Variants in MCTP1 observed in about 807,000 individuals in gnomAD.
MCTP1 encodes the protein multiple C2 and transmembrane domain-containing protein 1.
In MCTP1, 69 loss-of-function variants were observed where a neutral mutation model predicts 120.6. That is an observed-to-expected ratio of 0.57 (90% CI 0.47 to 0.70). The LOEUF (loss-of-function observed/expected upper bound fraction) is 0.70. MCTP1 is among the 30% of genes least tolerant of loss of function. The pLI, the probability that MCTP1 is intolerant of heterozygous loss-of-function variation, is 0.00. For synonymous variants in MCTP1, 529 were observed against 493.1 expected (o/e 1.07, Z -0.96); for missense variants, 1,203 against 1,248.8 (o/e 0.96, Z 0.55).
At chr5:95,129,317 C>A (rs895240113) in intron 1 of MCTP1, among the ~76,000 whole-genome samples, 2 of 152,198 alleles carry the variant, frequency 1.3e-5, no homozygotes, top group African/African-American at 4.8e-5. Flanking sequence ...AAATGTAACT[C>A]AGAAAACTAT....
At chr5:95,089,781 G>A (rs1473024979) in intron 1 of MCTP1, among the ~76,000 whole-genome samples, 1 of 152,162 alleles carries the variant, frequency 6.6e-6, no homozygotes, top group African/African-American at 2.4e-5. Context: ...ACAGCATGTT[G>A]CAGAACTAGC....
chr5:94,750,966 C>T (rs541062775), intron 19 of MCTP1, among the ~76,000 whole-genome samples: 180 of 152,250 alleles, frequency 1.2e-3, no homozygotes, highest in Non-Finnish European at 1.9e-3. Context: ...CATCCAGAAC[C>T]GAAACCTGGG....
intron 10 of MCTP1, among the ~76,000 whole-genome samples, chr5:94,901,228 C>A (rs543929668): frequency 9.3e-4 from 142 of 152,244 alleles, no homozygotes; most frequent in African/African-American, 3.3e-3. Flanking sequence ...GGCAAGAGGG[C>A]ATGTTCAGGG....
chr5:94,776,398 G>C (rs958234419), intron 19 of MCTP1, among the ~76,000 whole-genome samples: 2 of 152,108 alleles, frequency 1.3e-5, no homozygotes, highest in African/African-American at 4.8e-5. Flanking sequence ...GGTCTTGGCA[G>C]AATGGAAAAC....
At chr5:94,869,890 A>G (rs1375998138) in intron 16 of MCTP1, among the ~76,000 whole-genome samples, 1 of 152,108 alleles carries the variant, frequency 6.6e-6, no homozygotes, top group East Asian at 1.9e-4. Context: ...AAATAATAAA[A>G]GTTTACTTCT....
At chr5:94,780,283 A>G (rs1776289295) in intron 18 of MCTP1, among the ~76,000 whole-genome samples, 1 of 151,524 alleles carries the variant, frequency 6.6e-6, no homozygotes, top group South Asian at 2.1e-4. Flanking sequence ...TTTTTTTGAT[A>G]CAAACAGGAA....
intron 2 of MCTP1, among the ~76,000 whole-genome samples, chr5:94,954,020 A>ATG (rs1172955017): frequency 1.3e-5 from 1 of 79,058 alleles, no homozygotes; most frequent in Non-Finnish European, 2.4e-5. Context: ...ACAAATATAT[A>ATG]TGCATATATA....
chr5:95,184,754 T>C (rs1257244721), intron 1 of MCTP1, among the ~76,000 whole-genome samples: 2 of 152,184 alleles, frequency 1.3e-5, no homozygotes, highest in East Asian at 3.8e-4. Flanking sequence ...TTGTAAAACC[T>C]AAGATCAGTA....
At chr5:95,268,413 A>G (rs140978989) in intron 1 of MCTP1, among the ~76,000 whole-genome samples, 12 of 152,350 alleles carry the variant, frequency 7.9e-5, no homozygotes, top group Non-Finnish European at 1.5e-5. Context: ...ATTCCAAGAC[A>G]TCTGGAAAAC....
chr5:94,729,042 A>G (rs1478941914), intron 19 of MCTP1, among the ~76,000 whole-genome samples: 1 of 152,226 alleles, frequency 6.6e-6, no homozygotes, highest in East Asian at 1.9e-4. Context: ...TAAAAAGCGC[A>G]ATGAAGAGAC....
At chr5:95,006,492 A>G (rs1005699488) in intron 2 of MCTP1, among the ~76,000 whole-genome samples, 1 of 152,214 alleles carries the variant, frequency 6.6e-6, no homozygotes, top group African/African-American at 2.4e-5. Context: ...AAATAACATT[A>G]GAATGCATGG....
intron 17 of MCTP1, among the ~76,000 whole-genome samples, chr5:94,860,277 A>G (rs1254374059): frequency 6.6e-6 from 1 of 151,744 alleles, no homozygotes; most frequent in Non-Finnish European, 1.5e-5. Context: ...TTCATTAAAA[A>G]TATAAAGAGT....
At chr5:94,858,033 T>G (rs1795034444) in intron 17 of MCTP1, among the ~76,000 whole-genome samples, 1 of 151,694 alleles carries the variant, frequency 6.6e-6, no homozygotes, top group African/African-American at 2.4e-5. Context: ...CATACACTTT[T>G]TCCTGGCATT....
chr5:94,798,861 A>T (rs917822716), intron 18 of MCTP1, 152 bp downstream of exon 18: 1 of 652,748 alleles, frequency 1.5e-6, no homozygotes, highest in Non-Finnish European at 2.5e-6. Flanking sequence ...AGGACCAAAG[A>T]GTTGTTAGTT....
intron 1 of MCTP1, among the ~76,000 whole-genome samples, chr5:95,230,833 C>T (rs1215620381): frequency 6.6e-6 from 1 of 152,160 alleles, no homozygotes; most frequent in Admixed American, 6.5e-5. Flanking sequence ...CATCCCCACA[C>T]ACCTTTTTTT....
chr5:95,003,352 C>T (rs1834090924), intron 2 of MCTP1, among the ~76,000 whole-genome samples: 1 of 152,188 alleles, frequency 6.6e-6, no homozygotes, highest in Non-Finnish European at 1.5e-5. Flanking sequence ...ACTGCAGTCA[C>T]ATGCTGTACA....
chr5:94,707,863 G>GT lies in MCTP1; in HGVS notation c.2929-297dup, dbSNP rs780529871. Among the ~76,000 whole-genome samples the GT allele has an allele frequency of 4.0e-5, 6 of 151,348 alleles. No homozygotes were observed. In the South Asian group the frequency reaches 1.3e-3, roughly 32 times the overall value. On this transcript the variant is annotated intron_variant, in intron 22 of 22. Transcript: ENST00000515393. ...CAATTTTTTAAAGGGCTCGATAATG[G>GT]TTTTTTACAATTTATCGTGTGTTTG... is the stretch of plus-strand genomic sequence containing the variant.
rs148282609 is a variant in MCTP1 at position 95,199,686 on chromosome 5, C to T, written c.720+84170G>A. 6.8e-3 allele frequency among the ~76,000 whole-genome samples: 1,030 copies of T among 151,838 alleles called. 12 individuals are homozygous for T. Among genetic ancestry groups the T allele is most frequent in the African/African-American group, 0.023 (933 of 41,384 alleles). On this transcript the variant is annotated intron_variant, in intron 1 of 22. Coordinates refer to ENST00000515393, the MANE Select transcript of MCTP1 (RefSeq NM_024717.7). ...CAGCCTGGCCAACATGGTGAAATCC[C>T]GTCTCTATTAAAAATACTAAAAATT...
intron 17 of MCTP1, among the ~76,000 whole-genome samples, chr5:94,844,016 C>A (rs1791707287): frequency 6.6e-6 from 1 of 152,056 alleles, no homozygotes; most frequent in Non-Finnish European, 1.5e-5. Context: ...TGAAAGGACA[C>A]CCTTGGCCGG....
Sources: gnomAD v4.1 joint callset for allele counts (sites outside exome capture counted in the v4.1 genomes callset) on GRCh38, gnomAD v4.1.1 for gene constraint, MANE v1.5 for transcripts, NCBI Gene and HGNC (gene_info 2026-07-23, HGNC 2026-07-21) for gene names.